The following LRP1B variants were observed in gnomAD, a reference collection of about 807,000 sequenced individuals.
LRP1B encodes LDL receptor related protein 1B, also known as low-density lipoprotein receptor-related protein 1B.
In LRP1B, 217 loss-of-function variants were observed where a neutral mutation model predicts 556.6. The observed-to-expected ratio is 0.39, with a 90% CI of 0.35 to 0.44. The LOEUF is 0.44. Among genes scored for constraint, LRP1B ranks in the 20% least tolerant of loss-of-function variants. The pLI, the probability that LRP1B is intolerant of heterozygous loss-of-function variation, is 1.00. For synonymous variants in LRP1B, 2,047 were observed against 1,865.8 expected (o/e 1.10, Z -2.50); for missense variants, 5,053 against 5,620.8 (o/e 0.90, Z 3.23).
chr2:140,518,560 G>A (rs1283124821), intron 49 of LRP1B, among the ~76,000 whole-genome samples: 1 of 152,170 alleles, frequency 6.6e-6, no homozygotes, highest in Admixed American at 6.6e-5. Flanking sequence ...CTGAGGTAAA[G>A]AATGTGTTGT....
At chr2:141,837,236 G>T (rs1225416345) in intron 1 of LRP1B, among the ~76,000 whole-genome samples, 5 of 151,966 alleles carry the variant, frequency 3.3e-5, no homozygotes, top group Admixed American at 3.3e-4. Context: ...AGTAAGGAGA[G>T]AGTCATCAAA....
intron 32 of LRP1B, among the ~76,000 whole-genome samples, chr2:140,796,217 A>G (rs1415639207): frequency 6.6e-6 from 1 of 152,090 alleles, no homozygotes; most frequent in Non-Finnish European, 1.5e-5. Context: ...AACAATCACT[A>G]TTTAATGCTT....
rs2105116887 is a variant in LRP1B, at chr2:140,351,038, C to T, written c.11651G>A (p.Gly3884Asp). Residue 3884 changes from glycine to aspartate, a missense_variant and splice_region_variant, in exon 77 of 91, where the codon GGC (glycine) becomes GAC (aspartate). Gly to Asp is a moderately conservative substitution (Grantham distance 94). Around this residue, in one of 5 missense-constraint regions of LRP1B, gnomAD observed 599 missense variants for 648.4 expected, o/e 0.92. Coordinates refer to ENST00000389484, the MANE Select transcript of LRP1B (RefSeq NM_018557.3). ...AATGTAGAGAACTTGATCTTCAGAG[C>T]CTGGAGATTATTATAATAAAATACA... ...QERNNTCIAE[G>D]SEDQVLYIAN... The T allele has an allele frequency of 1.3e-6, 2 of 1,543,372 alleles. No individual in the cohort carries two copies. Among genetic ancestry groups the T allele is most frequent in the Non-Finnish European group, 1.8e-6 (2 of 1,137,170 alleles).
intron 77 of LRP1B, among the ~76,000 whole-genome samples, chr2:140,347,548 ATTC>A (rs1013493116): frequency 1.1e-4 from 17 of 151,430 alleles, no homozygotes; most frequent in Middle Eastern, 3.4e-3. Context: ...TCTGAATAAT[ATTC>A]TTCTGGTTTT....
At chr2:141,717,437 C>A (rs573308895) in intron 2 of LRP1B, among the ~76,000 whole-genome samples, 2 of 152,164 alleles carry the variant, frequency 1.3e-5, no homozygotes, top group Non-Finnish European at 2.9e-5. Flanking sequence ...GGCAGAACTC[C>A]AGTGTTTTCC....
At chr2:140,936,346 A>AT in intron 20 of LRP1B, among the ~76,000 whole-genome samples, 1 of 134,932 alleles carries the variant, frequency 7.4e-6, no homozygotes, top group Non-Finnish European at 1.6e-5. Context: ...TCTCAAAAAA[A>AT]AAAAAAAAAA....
At chr2:141,614,095 A>AAAAAAAG (rs1688208650) in intron 2 of LRP1B, among the ~76,000 whole-genome samples, 1 of 150,160 alleles carries the variant, frequency 6.7e-6, no homozygotes, top group African/African-American at 2.4e-5. Flanking sequence ...AAAAAAAAAA[A>AAAAAAAG]AAAAAAGAAA....
chr2:141,660,098 A>T (rs1341314411), intron 2 of LRP1B, among the ~76,000 whole-genome samples: 1 of 151,838 alleles, frequency 6.6e-6, no homozygotes, highest in Non-Finnish European at 1.5e-5. Context: ...GGGAGAATGG[A>T]GAGTGAATCC....
At chr2:141,160,786 G>C (rs1679990073) in intron 7 of LRP1B, among the ~76,000 whole-genome samples, 1 of 151,988 alleles carries the variant, frequency 6.6e-6, no homozygotes, top group Non-Finnish European at 1.5e-5. Context: ...GGAAATATGA[G>C]AATTTTTTTG....
intron 11 of LRP1B, among the ~76,000 whole-genome samples, chr2:141,041,262 GT>G (rs1330137726): frequency 6.6e-6 from 1 of 152,034 alleles, no homozygotes; most frequent in Non-Finnish European, 1.5e-5. Flanking sequence ...GTTTCCTATT[GT>G]TGCTGTAACA....
At chr2:141,252,672 G>T (rs418461) in intron 4 of LRP1B, among the ~76,000 whole-genome samples, 1 of 151,824 alleles carries the variant, frequency 6.6e-6, no homozygotes, top group Non-Finnish European at 1.5e-5. Context: ...CAATATGATC[G>T]ATTATCTCTT....
At chr2:140,573,200 A>AT (rs1681395026) in intron 43 of LRP1B, among the ~76,000 whole-genome samples, 1 of 151,928 alleles carries the variant, frequency 6.6e-6, no homozygotes, top group Non-Finnish European at 1.5e-5. Flanking sequence ...ACATAATTTC[A>AT]TCATTACATA....
At chr2:140,464,289 A>C (rs1439728332) in intron 60 of LRP1B, among the ~76,000 whole-genome samples, 1 of 152,098 alleles carries the variant, frequency 6.6e-6, no homozygotes, top group African/African-American at 2.4e-5. Flanking sequence ...TTAGAGCTGA[A>C]GGCATCCATG....
At chr2:140,898,786 C>T (rs76665820) in intron 23 of LRP1B, 27,558 of 560,816 alleles carry the variant, frequency 0.049, 1,043 homozygotes, top group South Asian at 0.1. Flanking sequence ...CAACTGGGAG[C>T]GCTATCACCC....
At chr2:140,550,332 G>A (rs979870234) in intron 43 of LRP1B, among the ~76,000 whole-genome samples, 1 of 152,066 alleles carries the variant, frequency 6.6e-6, no homozygotes, top group Non-Finnish European at 1.5e-5. Context: ...AAAGAGCACA[G>A]TACTCAAAGT....
intron 3 of LRP1B, among the ~76,000 whole-genome samples, chr2:141,459,561 C>T (rs537880194): frequency 1.3e-5 from 2 of 152,000 alleles, no homozygotes; most frequent in South Asian, 4.2e-4. Context: ...TTGTAGATCC[C>T]GTAATTCCCG....
intron 66 of LRP1B, among the ~76,000 whole-genome samples, chr2:140,415,022 G>T (rs1056837562): frequency 6.6e-6 from 1 of 152,070 alleles, no homozygotes; most frequent in Non-Finnish European, 1.5e-5. Flanking sequence ...GTCTATAAAC[G>T]GCTGCTCTGG....
chr2:140,739,695 C>A (rs1688072115), intron 35 of LRP1B, among the ~76,000 whole-genome samples: 1 of 152,010 alleles, frequency 6.6e-6, no homozygotes, highest in Non-Finnish European at 1.5e-5. Flanking sequence ...CTAGGACTGC[C>A]ATAAAAAATA....
chr2:140,244,089 C>T (rs1681059650), intron 87 of LRP1B, among the ~76,000 whole-genome samples: 1 of 151,392 alleles, frequency 6.6e-6, no homozygotes, highest in Non-Finnish European at 1.5e-5. Context: ...GCCTTCCTCA[C>T]TGACCTGCCT....
Sources: allele counts gnomAD v4.1 joint callset (sites outside exome capture counted in the v4.1 genomes callset), GRCh38; gene constraint gnomAD v4.1.1; regional missense constraint gnomAD v4.1.1; transcripts MANE v1.5; gene names NCBI Gene and HGNC (gene_info 2026-07-23, HGNC 2026-07-21).